GRID2: variants seen among roughly 807,000 people sequenced by gnomAD.
GRID2 encodes glutamate receptor ionotropic, delta-2.
A neutral mutation model predicts 114.8 loss-of-function variants in GRID2; 33 were observed. The ratio of observed to expected loss-of-function variants is 0.29; its 90% CI spans 0.22 to 0.38. GRID2 has a LOEUF of 0.38. GRID2 is among the 10% of genes least tolerant of loss of function. GRID2 has a pLI of 1.00. For synonymous variants in GRID2, 505 were observed against 449.9 expected (o/e 1.12, Z -1.55); for missense variants, 1,184 against 1,257.7 (o/e 0.94, Z 0.89).
chr4:92,647,481 T>C (rs561109707), intron 2 of GRID2, among the ~76,000 whole-genome samples: 6 of 149,692 alleles, frequency 4.0e-5, no homozygotes, highest in African/African-American at 1.5e-4. Flanking sequence ...GCTTGAATTA[T>C]GGTTTTTTTG....
intron 13 of GRID2, among the ~76,000 whole-genome samples, chr4:93,554,612 C>T (rs1351509038): frequency 6.6e-6 from 1 of 151,964 alleles, no homozygotes; most frequent in African/African-American, 2.4e-5. Flanking sequence ...ACATATTTTC[C>T]AAATTAGAGA....
chr4:92,552,289 G>T (rs140045243), intron 1 of GRID2, among the ~76,000 whole-genome samples: 199 of 147,432 alleles, frequency 1.3e-3, no homozygotes, highest in African/African-American at 3.8e-3. Context: ...GTGAAGGAAA[G>T]AATAGAAACT....
chr4:92,965,456 A>AC (rs1753084986), intron 2 of GRID2, among the ~76,000 whole-genome samples: 1 of 26,340 alleles, frequency 3.8e-5, no homozygotes, highest in African/African-American at 2.2e-4. Context: ...TTTGTAAAAA[A>AC]AAAAAAAAAA....
At chr4:93,677,171 G>A (rs1252451373) in intron 14 of GRID2, among the ~76,000 whole-genome samples, 1 of 152,170 alleles carries the variant, frequency 6.6e-6, no homozygotes, top group Non-Finnish European at 1.5e-5. Flanking sequence ...GAGGCTCGCT[G>A]ATTGCTAACA....
intron 2 of GRID2, among the ~76,000 whole-genome samples, chr4:92,803,727 G>T (rs909058215): frequency 3.9e-5 from 6 of 151,986 alleles, no homozygotes; most frequent in African/African-American, 1.4e-4. Flanking sequence ...GAAAGTAATT[G>T]CTTTTATTGC....
chr4:92,777,240 C>A (rs896809398), intron 2 of GRID2, among the ~76,000 whole-genome samples: 4 of 151,922 alleles, frequency 2.6e-5, no homozygotes, highest in African/African-American at 9.7e-5. Context: ...GAATTAATTT[C>A]TTTAACTTAC....
intron 14 of GRID2, among the ~76,000 whole-genome samples, chr4:93,759,660 C>T (rs4693337): frequency 0.88 from 133,948 of 152,216 alleles, 58,939 homozygotes; most frequent in East Asian, 0.95. Flanking sequence ...CTTCCTTGTT[C>T]TGATAACATT....
At chr4:93,437,666 A>C (rs1721225295) in intron 10 of GRID2, among the ~76,000 whole-genome samples, 1 of 152,152 alleles carries the variant, frequency 6.6e-6, no homozygotes, top group Non-Finnish European at 1.5e-5. Flanking sequence ...AAACTTTTAG[A>C]AAGGACTGCA....
intron 1 of GRID2, among the ~76,000 whole-genome samples, chr4:92,411,481 T>G (rs915806721): frequency 3.3e-5 from 5 of 151,734 alleles, no homozygotes; most frequent in African/African-American, 4.8e-5. Flanking sequence ...GTTCTTTCAT[T>G]TCCTACAATA....
chr4:93,653,774 T>C (rs6532423), intron 14 of GRID2, among the ~76,000 whole-genome samples: 70,987 of 151,694 alleles, frequency 0.47, 18,427 homozygotes, highest in African/African-American at 0.7. Flanking sequence ...CTCTCTGAGA[T>C]GAGAGTATAA....
intron 2 of GRID2, among the ~76,000 whole-genome samples, chr4:92,865,894 A>G (rs551003636): frequency 6.6e-6 from 1 of 152,380 alleles, no homozygotes; most frequent in Non-Finnish European, 1.5e-5. Context: ...TTGCAAAAAT[A>G]CAAACATCGT....
intron 13 of GRID2, among the ~76,000 whole-genome samples, chr4:93,606,248 CAAAG>C (rs1369233676): frequency 2.6e-5 from 4 of 151,280 alleles, no homozygotes; most frequent in East Asian, 1.9e-4. Context: ...ACCTGGGCGA[CAAAG>C]AGAGAGTCTG....
intron 2 of GRID2, among the ~76,000 whole-genome samples, chr4:92,914,499 C>T (rs1748633448): frequency 6.6e-6 from 1 of 152,050 alleles, no homozygotes; most frequent in Non-Finnish European, 1.5e-5. Context: ...GACTGTTGTA[C>T]AGATTATTTC....
At chr4:93,116,784 G>A (rs2149358130) in intron 4 of GRID2, among the ~76,000 whole-genome samples, 1 of 151,776 alleles carries the variant, frequency 6.6e-6, no homozygotes, top group East Asian at 1.9e-4. Context: ...AAACATCTGT[G>A]TTAGATAAGC....
chr4:92,464,441 G>T (rs529813928), intron 1 of GRID2, among the ~76,000 whole-genome samples: 3 of 152,156 alleles, frequency 2.0e-5, no homozygotes, highest in East Asian at 1.9e-4. Flanking sequence ...TTTTGAGTAG[G>T]TATATTAACT....
chr4:93,237,738 A>G (rs1300358345), intron 7 of GRID2, among the ~76,000 whole-genome samples: 1 of 151,914 alleles, frequency 6.6e-6, no homozygotes, highest in African/African-American at 2.4e-5. Flanking sequence ...CATCTGTCAT[A>G]TTGAATGAAA....
chr4:93,331,294 T>C lies in GRID2; in HGVS notation c.1246-64313T>C, dbSNP rs771128395. On this transcript the variant is annotated intron_variant, in intron 8 of 15. Transcript: ENST00000282020. ...TTTTATTCTCTCTGCTTGGGAGTTA[T>C]TCTCTCTGCTTGGGAAATTCTTCTC... Among the ~76,000 whole-genome samples the C allele has an allele frequency of 4.5e-4, 68 of 149,494 alleles. 1 individual carries two copies. Among genetic ancestry groups the C allele is most frequent in the Non-Finnish European group, 4.7e-4 (32 of 67,386 alleles).
chr4:92,904,745 G>A (rs1299917737), intron 2 of GRID2, among the ~76,000 whole-genome samples: 2 of 151,958 alleles, frequency 1.3e-5, no homozygotes, highest in East Asian at 1.9e-4. Flanking sequence ...GCTCAGGGGA[G>A]CAATGACAAT....
intron 1 of GRID2, among the ~76,000 whole-genome samples, chr4:92,531,116 CTT>C (rs1188854308): frequency 6.6e-6 from 1 of 151,706 alleles, no homozygotes; most frequent in Non-Finnish European, 1.5e-5. Flanking sequence ...AATAAAAAAA[CTT>C]TGTGGGGGGA....
Sources: allele counts gnomAD v4.1 joint callset (sites outside exome capture counted in the v4.1 genomes callset), GRCh38; gene constraint gnomAD v4.1.1; transcripts MANE v1.5; gene names NCBI Gene and HGNC (gene_info 2026-07-23, HGNC 2026-07-21).